Variants in UBXN2A observed in about 807,000 individuals in gnomAD.
The protein encoded by UBXN2A is UBX domain protein 2A, also known as UBX domain-containing protein 2A.
A neutral mutation model predicts 28.4 loss-of-function variants in UBXN2A; 28 were observed. The ratio of observed to expected loss-of-function variants is 0.99; its 90% CI spans 0.73 to 1.35. UBXN2A has a LOEUF of 1.35. Among genes scored for constraint, UBXN2A ranks in the 40% most tolerant of loss-of-function variants. UBXN2A has a pLI of 0.00. For synonymous variants in UBXN2A, 97 were observed against 103.6 expected, an observed-to-expected ratio of 0.94 and a Z score of 0.39; for missense variants, 253 against 297.9, an observed-to-expected ratio of 0.85 and a Z score of 1.11.
At chr2:23,974,491 A>C (rs1573580335) in intron 3 of UBXN2A, among the ~76,000 whole-genome samples, 2 of 149,546 alleles carry the variant, frequency 1.3e-5, no homozygotes, top group African/African-American at 4.9e-5. Context: ...GACTACAGGC[A>C]CCCGCCACCA....
intron 6 of UBXN2A, among the ~76,000 whole-genome samples, chr2:23,991,861 G>A (rs1367738310): frequency 6.6e-6 from 1 of 151,906 alleles, no homozygotes; most frequent in East Asian, 1.9e-4. Flanking sequence ...GCATGATCTT[G>A]GCTCATTGAA....
At chr2:23,948,075 G>C (rs974976482) in intron 1 of UBXN2A, among the ~76,000 whole-genome samples, 1 of 151,274 alleles carries the variant, frequency 6.6e-6, no homozygotes, top group African/African-American at 2.4e-5. Context: ...GGCTGGTCTA[G>C]AACTCCTGGC....
intron 1 of UBXN2A, among the ~76,000 whole-genome samples, chr2:23,950,014 C>G (rs1706286696): frequency 7.7e-6 from 1 of 130,570 alleles, no homozygotes; most frequent in Non-Finnish European, 1.6e-5. Context: ...CACCCCCACC[C>G]CCACCCCCAC....
intron 2 of UBXN2A, among the ~76,000 whole-genome samples, chr2:23,967,464 A>ATG (rs1178460238): frequency 1.3e-5 from 2 of 152,216 alleles, no homozygotes; most frequent in Non-Finnish European, 1.5e-5. Flanking sequence ...GTGTGCCAGT[A>ATG]TGTATACTGA....
chr2:23,992,125 C>G (rs1356212788), intron 6 of UBXN2A, among the ~76,000 whole-genome samples: 1 of 152,178 alleles, frequency 6.6e-6, no homozygotes, highest in African/African-American at 2.4e-5. Context: ...GTGTGTGCCA[C>G]CATGCCCAGC....
chr2:23,952,589 T>C (rs1047382106), intron 1 of UBXN2A, among the ~76,000 whole-genome samples: 1 of 152,074 alleles, frequency 6.6e-6, no homozygotes. Flanking sequence ...GGATTACAGG[T>C]GCGTGCTACC....
chr2:23,944,787 A>G (rs1418012283), intron 1 of UBXN2A, among the ~76,000 whole-genome samples: 2 of 152,170 alleles, frequency 1.3e-5, no homozygotes, highest in African/African-American at 2.4e-5. Flanking sequence ...AGTTCTGTTC[A>G]TTGGTGAGAG....
At chr2:23,968,177 G>A (rs762440112) in intron 2 of UBXN2A, among the ~76,000 whole-genome samples, 1 of 152,144 alleles carries the variant, frequency 6.6e-6, no homozygotes, top group Non-Finnish European at 1.5e-5. Context: ...TCCTAGCACT[G>A]CCTCCTAGTA....
At chr2:23,951,452 A>C (rs187905325) in intron 1 of UBXN2A, among the ~76,000 whole-genome samples, 16,264 of 73,686 alleles carry the variant, frequency 0.22, 1,454 homozygotes, top group Middle Eastern at 0.37. Context: ...ATATATATAT[A>C]TATATATATA....
intron 6 of UBXN2A, among the ~76,000 whole-genome samples, chr2:23,993,293 TGAATAACAATGAAACAC>T (rs1287331532): frequency 3.3e-5 from 5 of 152,198 alleles, no homozygotes; most frequent in Non-Finnish European, 7.3e-5. Context: ...TTTATCTAGG[TGAATAACAATGAAACAC>T]GTAGCTTTTT....
upstream of UBXN2A, among the ~76,000 whole-genome samples, chr2:23,938,359 G>A (rs1705597496): frequency 6.6e-6 from 1 of 152,014 alleles, no homozygotes; most frequent in East Asian, 1.9e-4. Flanking sequence ...CCAGCTACTT[G>A]GGAGGCTGAG....
intron 1 of UBXN2A, among the ~76,000 whole-genome samples, chr2:23,934,299 TAAA>T (rs1705461809): frequency 6.6e-6 from 1 of 152,182 alleles, no homozygotes; most frequent in African/African-American, 2.4e-5. Flanking sequence ...TTTCAAAAAT[TAAA>T]AATTCATTTC....
chr2:23,938,539 A>C, upstream of UBXN2A, among the ~76,000 whole-genome samples: 1 of 149,396 alleles, frequency 6.7e-6, no homozygotes, highest in Admixed American at 6.7e-5. Flanking sequence ...TCAAAATCCC[A>C]GTGGCCCCCC....
chr2:23,944,108 C>T, intron 1 of UBXN2A: 1 of 738,372 alleles, frequency 1.4e-6, no homozygotes, highest in South Asian at 1.4e-5. Flanking sequence ...TTTGGCATGT[C>T]AGCCCTGTTA....
At chr2:23,943,288 G>A (rs973898109) in intron 1 of UBXN2A, among the ~76,000 whole-genome samples, 2 of 151,968 alleles carry the variant, frequency 1.3e-5, no homozygotes, top group African/African-American at 4.8e-5. Flanking sequence ...CCTGACTGCT[G>A]TGTAGAAACT....
Position 23,982,901 on chromosome 2 carries a change from T to C in UBXN2A, c.293T>C (p.Leu98Ser). 1 of 1,601,014 alleles carries C rather than the reference T, an allele frequency of 6.2e-7. No individual in the cohort carries two copies. The highest frequency in any genetic ancestry group is 8.5e-7 in the Non-Finnish European group (1 of 1,174,480). The change falls in exon 5 of 7, where the codon TTA (leucine) becomes TCA (serine). Residue 98 changes from leucine to serine, a missense_variant. Transcript: ENST00000309033. ...QFLNSIKKGELPSELQGIFDK... is the reference protein window; with the variant it reads ...QFLNSIKKGESPSELQGIFDK... Reference sequence around the variant, plus strand: ...TTCTTTCTTTGTTTTCCAAGGGAATTACCTTCAGAATTACAGGGAATTTTT... The same window carrying C: ...TTCTTTCTTTGTTTTCCAAGGGAATCACCTTCAGAATTACAGGGAATTTTT...
At chr2:23,941,090 GTGT>G (rs1378953414) in intron 1 of UBXN2A, among the ~76,000 whole-genome samples, 4 of 151,978 alleles carry the variant, frequency 2.6e-5, no homozygotes, top group African/African-American at 9.7e-5. Context: ...TGAAGGCCTG[GTGT>G]TCGCTGATTT....
intron 1 of UBXN2A, among the ~76,000 whole-genome samples, chr2:23,934,468 G>T (rs760694301): frequency 1.3e-5 from 2 of 152,148 alleles, no homozygotes; most frequent in Non-Finnish European, 2.9e-5. Flanking sequence ...GCTCAAAGAT[G>T]CTCACTTGGT....
At chr2:23,935,399 AC>A (rs200381428) in intron 1 of UBXN2A, among the ~76,000 whole-genome samples, 59 of 152,164 alleles carry the variant, frequency 3.9e-4, no homozygotes, top group African/African-American at 1.3e-3. Context: ...AACAACAACA[AC>A]AAAAAAAACC....
Sources: gnomAD v4.1 joint callset for allele counts (sites outside exome capture counted in the v4.1 genomes callset) on GRCh38, gnomAD v4.1.1 for gene constraint, MANE v1.5 for transcripts, NCBI Gene and HGNC (gene_info 2026-07-23, HGNC 2026-07-21) for gene names.